Variants in ANK2 observed in about 807,000 individuals in gnomAD.
ANK2 encodes ankyrin-2.
A neutral mutation model predicts 360.5 loss-of-function variants in ANK2; 83 were observed. The ratio of observed to expected loss-of-function variants is 0.23; its 90% CI spans 0.19 to 0.28. ANK2 has a LOEUF of 0.28. Ranked by LOEUF, ANK2 falls within the 10% of genes least tolerant of loss-of-function variation. The probability of loss-of-function intolerance (pLI) is 1.00; values close to 1 mark genes in which losing one functional copy is unlikely to be tolerated. For missense variants in ANK2, 4,201 were observed against 4,795.7 expected (o/e 0.88, Z 3.66); for synonymous variants, 1,740 against 1,759.5 (o/e 0.99, Z 0.28).
At chr4:113,186,247 T>C (rs991608427) in intron 2 of ANK2, among the ~76,000 whole-genome samples, 2 of 152,168 alleles carry the variant, frequency 1.3e-5, no homozygotes, top group African/African-American at 4.8e-5. Flanking sequence ...CTGCTGGTGA[T>C]ACCCAGGCAA....
the ANK2 span, among the ~76,000 whole-genome samples, chr4:112,792,318 G>A: frequency 4.6e-5 from 7 of 151,944 alleles, no homozygotes; most frequent in Non-Finnish European, 7.4e-5. Context: ...TGGGATTACA[G>A]GTGTGAACCA....
chr4:112,722,878 C>T, the ANK2 span, among the ~76,000 whole-genome samples: 4 of 151,892 alleles, frequency 2.6e-5, no homozygotes, highest in African/African-American at 9.7e-5. Flanking sequence ...GCAGGAGGAT[C>T]GCTTGAGCCC....
intron 8 of ANK2, among the ~76,000 whole-genome samples, chr4:113,241,217 A>G (rs2039663511): frequency 6.6e-6 from 1 of 152,252 alleles, no homozygotes; most frequent in Admixed American, 6.5e-5. Flanking sequence ...AGCCAATAAA[A>G]TAAATAAATA....
chr4:113,179,140 T>G (rs774617231), intron 2 of ANK2, among the ~76,000 whole-genome samples: 1 of 152,330 alleles, frequency 6.6e-6, no homozygotes, highest in Non-Finnish European at 1.5e-5. Context: ...GAGACAACTA[T>G]TCAGCCAAAC....
At chr4:112,801,874 A>T in the ANK2 span, among the ~76,000 whole-genome samples, 1 of 152,160 alleles carries the variant, frequency 6.6e-6, no homozygotes, top group Non-Finnish European at 1.5e-5. Context: ...ATCATAATGA[A>T]ATTTATGTTC....
intron 2 of ANK2, among the ~76,000 whole-genome samples, chr4:113,009,193 C>G (rs1028791803): frequency 2.0e-5 from 3 of 152,096 alleles, no homozygotes; most frequent in Non-Finnish European, 2.9e-5. Flanking sequence ...GAAATCAGAG[C>G]AAGAACTAAG....
At chr4:112,861,714 C>T (rs904085186) in intron 1 of ANK2, among the ~76,000 whole-genome samples, 2 of 152,138 alleles carry the variant, frequency 1.3e-5, no homozygotes, top group African/African-American at 4.8e-5. Context: ...CTAACTCTTA[C>T]ATGGTGTAAT....
intron 43 of ANK2, chr4:113,372,384 A>C (rs1465517192): frequency 1.8e-6 from 1 of 567,510 alleles, no homozygotes; most frequent in African/African-American, 1.9e-5. Flanking sequence ...GTCTGAGACC[A>C]GCACGTATTT....
rs77582626 is a variant in ANK2 at position 113,330,336 on chromosome 4, A to G, written c.2991A>G (p.Lys997=). The change falls in exon 27 of 46, where the codon AAA becomes AAG. Residue 997 remains lysine (K), a synonymous_variant. Transcript: ENST00000357077. ...NGLRIIIPPR[K]CTAPTRVTCR... is the part of the protein sequence containing the mutation. ...TCCGAATCATTATTCCACCTCGGAA[A>G]TGTACTGCTCCAACGCGAGTCACCT... is the stretch of plus-strand genomic sequence containing the variant. The G allele has an allele frequency of 3.2e-5, 51 of 1,614,224 alleles. No homozygotes were observed. Among genetic ancestry groups the G allele is most frequent in the Non-Finnish European group, 4.2e-5 (50 of 1,180,034 alleles).
chr4:112,989,204 A>C (rs1385575718), intron 2 of ANK2, among the ~76,000 whole-genome samples: 1 of 152,160 alleles, frequency 6.6e-6, no homozygotes, highest in Non-Finnish European at 1.5e-5. Flanking sequence ...TACCAAGTTA[A>C]AAATTCTTAA....
rs2095784708 is a variant in ANK2, at chr4:113,356,473, G to A, written c.7855G>A (p.Glu2619Lys). 1 of 1,614,038 alleles carries A rather than the reference G, an allele frequency of 6.2e-7. No homozygotes were observed. The highest frequency in any genetic ancestry group is 1.3e-5 in the African/African-American group (1 of 74,936). Residue 2619 changes from glutamate (E) to lysine (K), a missense_variant, in exon 38 of 46, where the codon GAA (glutamate) becomes AAA (lysine). By Grantham distance (56) the Glu-to-Lys change is moderately conservative. Coordinates refer to ENST00000357077, the MANE Select transcript of ANK2 (RefSeq NM_001148.6). ...RDYKKEPKQE[E>K]SSSSSDPDAD... is the part of the protein sequence containing the mutation. ...CTACAAAAAAGAACCCAAACAAGAA[G>A]AATCTTCTTCATCTTCTGACCCAGA...
intron 23 of ANK2, among the ~76,000 whole-genome samples, chr4:113,303,550 G>A (rs1344481918): frequency 6.6e-6 from 1 of 152,166 alleles, no homozygotes; most frequent in Non-Finnish European, 1.5e-5. Context: ...GCCAGCTGGA[G>A]GGTGTCCGGC....
At chr4:112,771,609 A>G in the ANK2 span, among the ~76,000 whole-genome samples, 4 of 150,196 alleles carry the variant, frequency 2.7e-5, no homozygotes, top group African/African-American at 9.8e-5. Flanking sequence ...TTTTTGAGAC[A>G]GAGTCTCACT....
At chr4:113,021,541 C>CACACACACACACATATAT (rs1489947974) in intron 2 of ANK2, among the ~76,000 whole-genome samples, 4,259 of 95,302 alleles carry the variant, frequency 0.045, 639 homozygotes, top group Non-Finnish European at 0.066. Context: ...CACACACAAA[C>CACACACACACACATATAT]ATATATATAT....
intron 1 of ANK2, among the ~76,000 whole-genome samples, chr4:112,859,943 A>T (rs2067451213): frequency 1.3e-5 from 2 of 152,210 alleles, no homozygotes; most frequent in Admixed American, 1.3e-4. Flanking sequence ...ACACTAGCTG[A>T]TCACTGCTCT....
intron 1 of ANK2, among the ~76,000 whole-genome samples, chr4:113,156,456 C>T (rs577175017): frequency 6.1e-5 from 9 of 148,546 alleles, no homozygotes; most frequent in Admixed American, 5.5e-4. Flanking sequence ...CTGCAACCTC[C>T]GCCTCCCGGG....
intron 2 of ANK2, among the ~76,000 whole-genome samples, chr4:112,966,917 A>G (rs2154263794): frequency 6.6e-6 from 1 of 152,284 alleles, no homozygotes; most frequent in East Asian, 1.9e-4. Context: ...CTGTCAATAA[A>G]TGTAAGAAAG....
chr4:113,141,160 A>G (rs1365850850), intron 1 of ANK2: 1 of 152,188 alleles, frequency 6.6e-6, no homozygotes, highest in African/African-American at 2.4e-5. Flanking sequence ...AAGATGTGGC[A>G]GGGTGTAAGT....
At chr4:113,179,861 T>A (rs2098351538) in intron 2 of ANK2, among the ~76,000 whole-genome samples, 1 of 152,262 alleles carries the variant, frequency 6.6e-6, no homozygotes, top group Non-Finnish European at 1.5e-5. Context: ...AGTTTCATCA[T>A]GTATACAATT....
Sources: gnomAD v4.1 joint callset for allele counts (sites outside exome capture counted in the v4.1 genomes callset) on GRCh38, gnomAD v4.1.1 for gene constraint, MANE v1.5 for transcripts, NCBI Gene and HGNC (gene_info 2026-07-23, HGNC 2026-07-21) for gene names.